Variants in PID1 observed in about 807,000 individuals in gnomAD.
PID1 encodes the protein PTB-containing, cubilin and LRP1-interacting protein.
Under a neutral mutation model 19.1 loss-of-function variants are expected in PID1, and 10 were observed. That is an observed-to-expected ratio of 0.52 (90% CI 0.32 to 0.89). PID1 has a LOEUF of 0.89. Among genes scored for constraint, PID1 ranks in the 40% least tolerant of loss-of-function variants. The pLI, the probability that PID1 is intolerant of heterozygous loss-of-function variation, is 0.03. For synonymous variants in PID1, 130 were observed against 116.0 expected, an observed-to-expected ratio of 1.12 and a Z score of -0.78; for missense variants, 248 against 285.3, an observed-to-expected ratio of 0.87 and a Z score of 0.94.
chr2:229,245,648 T>C (rs1443733104), intron 1 of PID1, among the ~76,000 whole-genome samples: 1 of 152,150 alleles, frequency 6.6e-6, no homozygotes, highest in African/African-American at 2.4e-5. Context: ...TAAAAAATAC[T>C]TGAACGTATT....
chr2:229,160,559 T>C (rs964533476), intron 1 of PID1, among the ~76,000 whole-genome samples: 4 of 152,156 alleles, frequency 2.6e-5, no homozygotes, highest in Admixed American at 1.3e-4. Context: ...AATACTGTGA[T>C]AGGCACAGCT....
rs566480605 is a variant in PID1 at position 229,248,411 on chromosome 2, G to A, written c.30+22603C>T. Among the ~76,000 whole-genome samples the A allele has an allele frequency of 2.0e-4, 31 of 152,338 alleles. No individual in the cohort carries two copies. The South Asian group carries it at 6.0e-3, about 30-fold the overall frequency. ...GATCATGGTTTGCCTCATTATGGGT[G>A]ATGCTAACTTTGATTCTTTGTCTAA... On this transcript the variant is annotated intron_variant, in intron 1 of 2. Coordinates refer to ENST00000392055, the MANE Select transcript of PID1 (RefSeq NM_001100818.2).
intron 2 of PID1, among the ~76,000 whole-genome samples, chr2:229,058,534 G>T (rs1375411169): frequency 6.6e-6 from 1 of 152,098 alleles, no homozygotes; most frequent in Non-Finnish European, 1.5e-5. Context: ...CTGCTGGCAT[G>T]CATCATATAT....
At chr2:229,175,728 C>T (rs1055301597) in intron 1 of PID1, among the ~76,000 whole-genome samples, 1 of 152,192 alleles carries the variant, frequency 6.6e-6, no homozygotes, top group Admixed American at 6.5e-5. Context: ...GATTCTCCTA[C>T]ACACCCAGCC....
intron 2 of PID1, among the ~76,000 whole-genome samples, chr2:229,142,148 C>T (rs1289801101): frequency 2.6e-5 from 4 of 152,002 alleles, no homozygotes; most frequent in African/African-American, 7.2e-5. Context: ...AAACCTGGGG[C>T]GGGGGCTGTA....
At chr2:229,249,162 T>C (rs1197916198) in intron 1 of PID1, among the ~76,000 whole-genome samples, 1 of 152,240 alleles carries the variant, frequency 6.6e-6, no homozygotes, top group African/African-American at 2.4e-5. Context: ...ATGTCCCTAA[T>C]AGTAAGTAGA....
At chr2:229,062,443 T>A (rs1340403850) in intron 2 of PID1, among the ~76,000 whole-genome samples, 1 of 151,926 alleles carries the variant, frequency 6.6e-6, no homozygotes, top group Non-Finnish European at 1.5e-5. Context: ...AAGGGATAAA[T>A]CCTGCTTGAT....
At chr2:229,245,941 T>C (rs553203048) in intron 1 of PID1, among the ~76,000 whole-genome samples, 1 of 152,322 alleles carries the variant, frequency 6.6e-6, no homozygotes, top group African/African-American at 2.4e-5. Context: ...GGCTGTAGTT[T>C]CGTTGGTTGT....
chr2:229,052,849 G>A (rs1197746813), intron 2 of PID1, among the ~76,000 whole-genome samples: 1 of 152,126 alleles, frequency 6.6e-6, no homozygotes, highest in Non-Finnish European at 1.5e-5. Context: ...ATTAACATAA[G>A]CAGATTTTTA....
At chr2:229,126,430 A>C (rs1278831388) in intron 2 of PID1, among the ~76,000 whole-genome samples, 2 of 152,172 alleles carry the variant, frequency 1.3e-5, no homozygotes, top group Non-Finnish European at 2.9e-5. Context: ...TGGCAAAAAA[A>C]AAAACCCTGT....
At position 229,189,458 on chromosome 2, in the gene PID1, G is replaced by A. The variant is rs191238502; in HGVS notation, c.31-33494C>T. Among the ~76,000 whole-genome samples the A allele has an allele frequency of 3.9e-5, 6 of 152,366 alleles. No homozygotes were observed. In the South Asian group the frequency reaches 1.0e-3, roughly 26 times the overall value. ...GCCTGTAATCCCAGCACTTTGGGAG[G>A]CCAAGGCAGGTGGATCACCCGAAGA... On this transcript the variant is annotated intron_variant, in intron 1 of 2. Coordinates refer to ENST00000392055, the MANE Select transcript of PID1 (RefSeq NM_001100818.2).
intron 2 of PID1, among the ~76,000 whole-genome samples, chr2:229,031,198 A>G (rs1362891288): frequency 8.7e-6 from 1 of 114,676 alleles, no homozygotes; most frequent in Non-Finnish European, 1.7e-5. Flanking sequence ...CCTGGGCAGC[A>G]TAACGAGACT....
intron 2 of PID1, among the ~76,000 whole-genome samples, chr2:229,061,885 C>A (rs1694218894): frequency 6.6e-6 from 1 of 151,856 alleles, no homozygotes; most frequent in Non-Finnish European, 1.5e-5. Context: ...TTCTTAATTT[C>A]TTTTTCAGAC....
chr2:229,107,091 T>TA (rs1413385963), intron 2 of PID1, among the ~76,000 whole-genome samples: 1 of 152,038 alleles, frequency 6.6e-6, no homozygotes, highest in Admixed American at 6.6e-5. Flanking sequence ...AGGTAGAGAT[T>TA]AGAGTCATAC....
intron 2 of PID1, among the ~76,000 whole-genome samples, chr2:229,043,391 T>C (rs987793689): frequency 6.6e-6 from 1 of 152,162 alleles, no homozygotes; most frequent in Non-Finnish European, 1.5e-5. Flanking sequence ...GCTTATGGAT[T>C]GTAATTTTGA....
At chr2:229,215,697 G>A (rs1028979693) in intron 1 of PID1, among the ~76,000 whole-genome samples, 3 of 152,120 alleles carry the variant, frequency 2.0e-5, no homozygotes, top group Non-Finnish European at 2.9e-5. Context: ...GCATCTAATC[G>A]GGAATATGTT....
intron 2 of PID1, among the ~76,000 whole-genome samples, chr2:229,060,512 T>G (rs1053034825): frequency 2.0e-5 from 3 of 152,164 alleles, no homozygotes; most frequent in Admixed American, 6.6e-5. Flanking sequence ...TCTTTATCCA[T>G]TCATCTGATG....
chr2:229,263,856 C>T (rs1016216480), intron 1 of PID1, among the ~76,000 whole-genome samples: 1 of 152,144 alleles, frequency 6.6e-6, no homozygotes, highest in Non-Finnish European at 1.5e-5. Flanking sequence ...CTGCCAAAGG[C>T]TGTTGGGAGG....
intron 1 of PID1, among the ~76,000 whole-genome samples, chr2:229,168,092 C>T (rs1038875201): frequency 2.0e-5 from 3 of 151,988 alleles, no homozygotes; most frequent in Non-Finnish European, 4.4e-5. Context: ...TTAAGATTTT[C>T]TATTTATTTT....
Sources: gnomAD v4.1 joint callset for allele counts (sites outside exome capture counted in the v4.1 genomes callset) on GRCh38, gnomAD v4.1.1 for gene constraint, MANE v1.5 for transcripts, NCBI Gene and HGNC (gene_info 2026-07-23, HGNC 2026-07-21) for gene names.